The following SNRPN variants were observed in gnomAD, a reference collection of about 807,000 sequenced individuals.
The protein encoded by SNRPN is small nuclear ribonucleoprotein polypeptide N, also known as small nuclear ribonucleoprotein-associated protein N.
In SNRPN, 7 loss-of-function variants were observed where a neutral mutation model predicts 25.2. That is an observed-to-expected ratio of 0.28 (90% confidence interval 0.16 to 0.52). SNRPN has a LOEUF of 0.52. Ranked by LOEUF, SNRPN falls within the 20% of genes least tolerant of loss-of-function variation. SNRPN has a pLI of 0.96. For missense variants in SNRPN, 196 were observed against 322.5 expected (o/e 0.61, Z 3.00); for synonymous variants, 124 against 110.6 (o/e 1.12, Z -0.76).
chr15:24,959,928 T>C (rs1047302793), intron 1 of SNRPN, among the ~76,000 whole-genome samples: 5 of 152,118 alleles, frequency 3.3e-5, no homozygotes, highest in Non-Finnish European at 5.9e-5. Context: ...TTTTTGGAAG[T>C]ATGAGAGTAG....
chr15:24,876,518 G>A (rs1037382474), intron 1 of SNRPN, among the ~76,000 whole-genome samples: 4 of 151,666 alleles, frequency 2.6e-5, no homozygotes, highest in Non-Finnish European at 4.4e-5. Context: ...TCAGGAGGCC[G>A]AGGCAGGAGA....
intron 2 of SNRPN, among the ~76,000 whole-genome samples, chr15:24,963,627 AAAAG>A (rs923342929): frequency 3.3e-5 from 5 of 152,206 alleles, no homozygotes; most frequent in Admixed American, 1.3e-4. Flanking sequence ...GAAAAAAAAA[AAAAG>A]AAAATGCAGT....
Position 24,929,467 on chromosome 15 carries a change from T to C in SNRPN, c.-391+9343T>C, listed in dbSNP as rs530968919. The stretch of plus-strand genomic sequence containing the variant: ...TTTCAGATAAATGTAAGCAGGCTTC[T>C]GCAGTGAAAGGGGCCAGGTCTAGGA... On this transcript the variant is annotated intron_variant, in intron 3 of 11. Transcript: ENST00000400097. This position sits in a 1 kb window ranked among gnomAD's most constrained non-coding sequence, Gnocchi z 5.3. 1.3e-5 allele frequency among the ~76,000 whole-genome samples: 2 copies of C among 152,280 alleles called. No individual in the cohort carries two copies. The highest frequency in any genetic ancestry group is 4.8e-5 in the African/African-American group (2 of 41,570).
chr15:24,829,600 G>A (rs1204448493), intron 1 of SNRPN, among the ~76,000 whole-genome samples: 1 of 152,016 alleles, frequency 6.6e-6, no homozygotes, highest in Non-Finnish European at 1.5e-5. Flanking sequence ...TGTGGGGAGG[G>A]ATTTGAATGT....
chr15:24,865,561 G>A (rs1367419649), intron 1 of SNRPN, among the ~76,000 whole-genome samples: 8 of 152,150 alleles, frequency 5.3e-5, no homozygotes, highest in African/African-American at 1.4e-4. Context: ...AGCGTCTGGC[G>A]GTGGATGAGC....
chr15:24,836,017 G>A (rs1332327437), intron 2 of SNRPN, among the ~76,000 whole-genome samples: 1 of 152,064 alleles, frequency 6.6e-6, no homozygotes, highest in African/African-American at 2.4e-5. Context: ...ACCAGAGACT[G>A]GGTGGCTTAC....
At chr15:24,917,639 A>G (rs999364437) in intron 2 of SNRPN, among the ~76,000 whole-genome samples, 1 of 152,216 alleles carries the variant, frequency 6.6e-6, no homozygotes, top group Admixed American at 6.5e-5. Context: ...AGTGACCGCT[A>G]GCAGGGGCCA....
intron 3 of SNRPN, among the ~76,000 whole-genome samples, chr15:24,973,752 T>C (rs1457835190): frequency 6.6e-6 from 1 of 152,308 alleles, no homozygotes. Context: ...GAAAGTTGTT[T>C]ATGTGAGTCT....
chr15:24,846,834 C>T (rs1283215781), intron 2 of SNRPN, among the ~76,000 whole-genome samples: 1 of 152,098 alleles, frequency 6.6e-6, no homozygotes, highest in Non-Finnish European at 1.5e-5. Flanking sequence ...TATTCAGCTA[C>T]TATGGGGTCG....
intron 1 of SNRPN, among the ~76,000 whole-genome samples, chr15:24,857,226 A>C (rs1477682732): frequency 6.6e-6 from 1 of 152,230 alleles, no homozygotes; most frequent in Non-Finnish European, 1.5e-5. Context: ...CAGTCACTGC[A>C]CTGCGCAAAT....
intron 2 of SNRPN, among the ~76,000 whole-genome samples, chr15:24,918,598 A>G (rs12443095): frequency 0.11 from 4,722 of 42,134 alleles, 392 homozygotes; most frequent in African/African-American, 0.21. Context: ...ATATATATGT[A>G]TATATATAAC....
intron 3 of SNRPN, among the ~76,000 whole-genome samples, chr15:24,935,418 CAGA>C (rs1294605811): frequency 6.6e-6 from 1 of 152,076 alleles, no homozygotes; most frequent in Non-Finnish European, 1.5e-5. Flanking sequence ...AAGCTGAGAA[CAGA>C]AGGATGGAGA....
intron 2 of SNRPN, chr15:24,908,874 C>A: frequency 1.6e-6 from 1 of 632,240 alleles, no homozygotes. Flanking sequence ...TTTTTTTTTG[C>A]TGTCCATAAG....
rs768170160 is a variant in SNRPN, at chr15:24,962,150, C to A, written c.-354C>A. 5 of 1,613,994 alleles carry A rather than the reference C, an allele frequency of 3.1e-6. No homozygotes were observed. The highest frequency in any genetic ancestry group is 3.4e-6 in the Non-Finnish European group (4 of 1,180,028). On this transcript the variant is annotated 5_prime_UTR_variant, in exon 2 of 10. Coordinates refer to ENST00000390687, the MANE Select transcript of SNRPN (RefSeq NM_003097.6). ...ACCTGAGACGAACTACAGAACAGCA[C>A]GTACCAGAGGTGGAAGTCCAAGTCA...
At chr15:24,949,144 C>G (rs2062074552) in intron 3 of SNRPN, among the ~76,000 whole-genome samples, 1 of 150,830 alleles carries the variant, frequency 6.6e-6, no homozygotes, top group South Asian at 2.1e-4. Flanking sequence ...GCCTCAGCCT[C>G]CTGAGTAGCT....
intron 3 of SNRPN, among the ~76,000 whole-genome samples, chr15:24,930,758 G>C (rs1180470069): frequency 6.6e-6 from 1 of 152,046 alleles, no homozygotes; most frequent in Non-Finnish European, 1.5e-5. Context: ...AATTAGCAGG[G>C]CATGGTGGTG....
intron 3 of SNRPN, among the ~76,000 whole-genome samples, chr15:24,936,927 A>T (rs1182193834): frequency 2.0e-5 from 3 of 152,160 alleles, no homozygotes; most frequent in Non-Finnish European, 2.9e-5. Context: ...TGAGAAATAA[A>T]TGTATCTTGC....
At chr15:24,889,720 ATGT>A (rs1056875389) in intron 2 of SNRPN, among the ~76,000 whole-genome samples, 1 of 151,420 alleles carries the variant, frequency 6.6e-6, no homozygotes, top group Non-Finnish European at 1.5e-5. Context: ...CTACATGTTC[ATGT>A]TGTTGTTTCA....
At chr15:24,973,679 C>T (rs747733705) in intron 3 of SNRPN, among the ~76,000 whole-genome samples, 1 of 152,180 alleles carries the variant, frequency 6.6e-6, no homozygotes, top group Non-Finnish European at 1.5e-5. Flanking sequence ...GGATTACAGG[C>T]GTGAGCCACC....
Sources: allele counts gnomAD v4.1 joint callset (sites outside exome capture counted in the v4.1 genomes callset), GRCh38; gene constraint gnomAD v4.1.1; non-coding constraint Gnocchi (gnomAD v3.1); transcripts MANE v1.5; gene names NCBI Gene and HGNC (gene_info 2026-07-23, HGNC 2026-07-21).